Variants in ZDHHC20 observed in about 807,000 individuals in gnomAD.
ZDHHC20 encodes the protein zDHHC palmitoyltransferase 20.
In ZDHHC20, 43 loss-of-function variants were observed where a neutral mutation model predicts 57.8. The ratio of observed to expected loss-of-function variants is 0.74; its 90% confidence interval spans 0.58 to 0.96. The LOEUF is 0.96. Among genes scored for constraint, ZDHHC20 ranks in the 40% least tolerant of loss-of-function variants. ZDHHC20 has a pLI of 0.00. For missense variants in ZDHHC20, 391 were observed against 441.1 expected (o/e 0.89, Z 1.02); for synonymous variants, 157 against 153.0 (o/e 1.03, Z -0.19).
intron 1 of ZDHHC20, among the ~76,000 whole-genome samples, chr13:21,431,174 G>C (rs540297795): frequency 5.9e-5 from 9 of 152,320 alleles, no homozygotes; most frequent in South Asian, 4.1e-4. Context: ...GGAAGAAAAA[G>C]AGGTTTAATT....
Position 21,373,030 on chromosome 13 carries a change from TAC to T in ZDHHC20, c.*3664_*3665del, listed in dbSNP as rs1409641885. 3.3e-5 allele frequency: 5 copies of T among 151,792 alleles called. No individual in the cohort carries two copies. The highest frequency in any genetic ancestry group is 9.7e-5 in the African/African-American group (4 of 41,436). 9.4% of individuals were successfully genotyped at this position (151,792 alleles called of 1,614,324 possible). A position where few individuals can be genotyped will look rare whatever the true frequency, so the allele number is the denominator to read the frequency against. On this transcript the variant is annotated 3_prime_UTR_variant, in exon 13 of 13. Transcript: ENST00000400590. ...TACATTTTTAATTTAAATTGGAAAA[TAC>T]AGTTTAGATCATATGAAACATATGG...
chr13:21,458,345 A>G (rs1032443874), intron 1 of ZDHHC20, among the ~76,000 whole-genome samples: 1 of 152,240 alleles, frequency 6.6e-6, no homozygotes, highest in Non-Finnish European at 1.5e-5. Flanking sequence ...AGTATAAGAA[A>G]TATAAGCCTC....
intron 1 of ZDHHC20, among the ~76,000 whole-genome samples, chr13:21,437,012 AG>A (rs1372901180): frequency 6.6e-5 from 10 of 152,232 alleles, no homozygotes; most frequent in African/African-American, 2.4e-4. Flanking sequence ...GTACTACTCC[AG>A]TGAATAGATG....
At chr13:21,379,953 C>G (rs1465699000) in intron 11 of ZDHHC20, among the ~76,000 whole-genome samples, 2 of 145,924 alleles carry the variant, frequency 1.4e-5, no homozygotes, top group African/African-American at 5.1e-5. Context: ...GTAGCTGGGA[C>G]TACAGGCGCC....
chr13:21,397,652 C>A (rs961115555), intron 7 of ZDHHC20, among the ~76,000 whole-genome samples: 6 of 151,802 alleles, frequency 4.0e-5, no homozygotes, highest in Non-Finnish European at 8.8e-5. Flanking sequence ...CAGAGTGGGA[C>A]CCTATCTCAA....
chr13:21,390,459 T>C (rs1036608168), intron 8 of ZDHHC20, among the ~76,000 whole-genome samples: 2 of 152,158 alleles, frequency 1.3e-5, no homozygotes, highest in Admixed American at 1.3e-4. Context: ...GAGAAATAAA[T>C]GTTAATACTA....
chr13:21,381,906 A>G (rs775270151), intron 10 of ZDHHC20: 2 of 538,592 alleles, frequency 3.7e-6, no homozygotes, highest in Non-Finnish European at 3.7e-6. Context: ...ATTACCTGTC[A>G]TTTGCCAAGT....
At chr13:21,412,226 T>C (rs1175128189) in intron 4 of ZDHHC20, among the ~76,000 whole-genome samples, 1 of 152,210 alleles carries the variant, frequency 6.6e-6, no homozygotes, top group Non-Finnish European at 1.5e-5. Flanking sequence ...AGAAAGGGTT[T>C]GGAATGTAGG....
intron 5 of ZDHHC20, among the ~76,000 whole-genome samples, 183 bp downstream of exon 5, chr13:21,402,614 C>A (rs1051376324): frequency 1.1e-4 from 17 of 152,150 alleles, no homozygotes; most frequent in African/African-American, 3.9e-4. Flanking sequence ...ATCAAAGATA[C>A]AACTTGTGAG....
chr13:21,429,100 C>T (rs370849150), intron 1 of ZDHHC20, among the ~76,000 whole-genome samples: 1 of 152,060 alleles, frequency 6.6e-6, no homozygotes, highest in Admixed American at 6.6e-5. Context: ...GCCTGTCTCC[C>T]ACTTATTGAG....
intron 1 of ZDHHC20, among the ~76,000 whole-genome samples, chr13:21,443,329 C>T (rs1883362611): frequency 6.6e-6 from 1 of 152,080 alleles, no homozygotes; most frequent in Non-Finnish European, 1.5e-5. Context: ...GATTACAGAC[C>T]TGTTTTCAGT....
At chr13:21,380,794 A>G (rs1873235276) in intron 11 of ZDHHC20, among the ~76,000 whole-genome samples, 1 of 151,600 alleles carries the variant, frequency 6.6e-6, no homozygotes, top group Non-Finnish European at 1.5e-5. Flanking sequence ...CCATCTCAAA[A>G]AAAAAAAAAG....
At chr13:21,391,883 G>C in intron 7 of ZDHHC20, 29 bp from the exon 8 acceptor site, 1 of 1,594,212 alleles carries the variant, frequency 6.3e-7, no homozygotes, top group South Asian at 1.1e-5. Flanking sequence ...TAATTTTGAG[G>C]TCAACCTCTA....
chr13:21,424,107 G>A (rs1880976948), intron 2 of ZDHHC20, among the ~76,000 whole-genome samples: 1 of 152,078 alleles, frequency 6.6e-6, no homozygotes, highest in African/African-American at 2.4e-5. Flanking sequence ...ACGAGACCTA[G>A]AATATGGTAA....
chr13:21,373,729 G>A lies in ZDHHC20; in HGVS notation c.*2967C>T, dbSNP rs534031249. On this transcript the variant is annotated 3_prime_UTR_variant, in exon 13 of 13. Transcript: ENST00000400590. ...AGATAGTACTTCTAAAATTTGACAG[G>A]GCTTCATTTTGATTTTTTCTCCCCA... is the stretch of plus-strand genomic sequence containing the variant. The A allele has an allele frequency of 6.6e-6, 1 of 152,194 alleles. No individual in the cohort carries two copies. Among genetic ancestry groups the A allele is most frequent in the East Asian group, 1.9e-4 (1 of 5,184 alleles). 9.4% of individuals were successfully genotyped at this position (152,194 alleles called of 1,614,324 possible).
intron 1 of ZDHHC20, among the ~76,000 whole-genome samples, chr13:21,450,002 G>GT (rs1566118542): frequency 6.6e-6 from 1 of 152,048 alleles, no homozygotes; most frequent in African/African-American, 2.4e-5. Flanking sequence ...TTAAAGGAGT[G>GT]TAACAGTTGC....
chr13:21,431,022 C>T (rs1422022127), intron 1 of ZDHHC20, among the ~76,000 whole-genome samples: 7 of 152,166 alleles, frequency 4.6e-5, no homozygotes, highest in Admixed American at 1.3e-4. Context: ...CAACTTTATC[C>T]ATTAATCAGT....
Position 21,378,657 on chromosome 13 carries a change from T to G in ZDHHC20, c.*40+4A>C. Reference sequence around the variant, plus strand: ...ATTCAAGGATTACCTTTATACTGTCTTACCTTGCTCTTATTCAAATGGTTA... The same window carrying G: ...ATTCAAGGATTACCTTTATACTGTCGTACCTTGCTCTTATTCAAATGGTTA... On this transcript the variant is annotated splice_donor_region_variant and intron_variant, in intron 12 of 12. Transcript: ENST00000400590. 2 of 1,401,420 alleles carry G rather than the reference T, an allele frequency of 1.4e-6. No homozygotes were observed. Among genetic ancestry groups the G allele is most frequent in the Non-Finnish European group, 1.9e-6 (2 of 1,062,078 alleles). 86.8% of individuals were successfully genotyped at this position (1,401,420 alleles called of 1,614,324 possible).
chr13:21,447,589 T>A (rs1240403103), intron 1 of ZDHHC20, among the ~76,000 whole-genome samples: 1 of 145,412 alleles, frequency 6.9e-6, no homozygotes, highest in Admixed American at 7.0e-5. Context: ...CAGTGCTCAA[T>A]GGTGCCCAGG....
Sources: gnomAD v4.1 joint callset for allele counts (sites outside exome capture counted in the v4.1 genomes callset) on GRCh38, gnomAD v4.1.1 for gene constraint, MANE v1.5 for transcripts, NCBI Gene and HGNC (gene_info 2026-07-23, HGNC 2026-07-21) for gene names.